The following RAB28 variants were observed in gnomAD, a reference collection of about 807,000 sequenced individuals.
RAB28 encodes RAB28, member RAS oncogene family, also known as ras-related protein Rab-28.
In RAB28, 24 loss-of-function variants were observed where a neutral mutation model predicts 31.7. The observed-to-expected ratio is 0.76, with a 90% CI of 0.55 to 1.06. The LOEUF is 1.06. Ranked by LOEUF, RAB28 falls within the 50% of genes least tolerant of loss-of-function variation. The pLI, the probability that RAB28 is intolerant of heterozygous loss-of-function variation, is 0.00. For synonymous variants in RAB28, 100 were observed against 90.4 expected (o/e 1.11, Z -0.60); for missense variants, 254 against 258.5 (o/e 0.98, Z 0.12).
intron 4 of RAB28, among the ~76,000 whole-genome samples, chr4:13,419,936 C>T (rs964171385): frequency 2.6e-5 from 4 of 151,356 alleles, no homozygotes; most frequent in African/African-American, 9.7e-5. Context: ...ACACAAAAAA[C>T]CCTTCAAAAA....
chr4:13,386,248 A>C (rs1729361560), intron 4 of RAB28, among the ~76,000 whole-genome samples: 1 of 152,134 alleles, frequency 6.6e-6, no homozygotes, highest in African/African-American at 2.4e-5. Context: ...CAAAAACAAA[A>C]ATTTACAAAT....
At chr4:13,375,835 C>T (rs377196999) in intron 6 of RAB28, among the ~76,000 whole-genome samples, 2 of 151,640 alleles carry the variant, frequency 1.3e-5, no homozygotes, top group East Asian at 1.9e-4. Context: ...ACAGAACTAA[C>T]TCTAAAAGAA....
At chr4:13,452,198 T>C (rs1715006659) in intron 4 of RAB28, among the ~76,000 whole-genome samples, 1 of 151,948 alleles carries the variant, frequency 6.6e-6, no homozygotes, top group African/African-American at 2.4e-5. Flanking sequence ...ATCTAATGGT[T>C]TGTTGATTAT....
At position 13,479,503 on chromosome 4, in the gene RAB28, A is replaced by G; in HGVS notation, c.99T>C (p.Ala33=). Reference sequence around the variant, plus strand: ...TGTACTGTTTCCCAAAAGTTTCTTGAGCAAAACACGTAGTTAAGGAGGTCT... The same window carrying G: ...TGTACTGTTTCCCAAAAGTTTCTTGGGCAAAACACGTAGTTAAGGAGGTCT... The part of the protein sequence containing the change: ...SGKTSLTTCF[A]QETFGKQYKQ... The change falls in exon 2 of 7, where the codon GCT becomes GCC. Residue 33 remains alanine, a synonymous_variant. Transcript: ENST00000330852. 6.2e-7 allele frequency: 1 copy of G among 1,607,334 alleles called. No individual in the cohort carries two copies. Among genetic ancestry groups the G allele is most frequent in the Non-Finnish European group, 8.5e-7 (1 of 1,175,316 alleles).
At chr4:13,434,390 T>C (rs527247464) in intron 4 of RAB28, among the ~76,000 whole-genome samples, 1 of 152,300 alleles carries the variant, frequency 6.6e-6, no homozygotes, top group African/African-American at 2.4e-5. Context: ...CCATGCTAAA[T>C]TCATATGCAC....
At chr4:13,398,877 A>G (rs1433705958) in intron 4 of RAB28, among the ~76,000 whole-genome samples, 1 of 152,188 alleles carries the variant, frequency 6.6e-6, no homozygotes. Context: ...CATATATTAT[A>G]ATTAGCCCTA....
intron 4 of RAB28, among the ~76,000 whole-genome samples, chr4:13,389,113 T>G (rs1221881314): frequency 1.3e-5 from 2 of 152,146 alleles, no homozygotes; most frequent in Non-Finnish European, 2.9e-5. Flanking sequence ...TACAATGGAA[T>G]ATTATTCAGC....
rs192842302 is a variant in RAB28 at position 13,483,999 on chromosome 4, G to A, written c.75+77C>T. 28 of 1,385,926 alleles carry A rather than the reference G, an allele frequency of 2.0e-5. No homozygotes were observed. In the Admixed American group the frequency reaches 3.8e-4, roughly 19 times the overall value. 85.9% of individuals were successfully genotyped at this position (1,385,926 alleles called of 1,614,324 possible). On this transcript the variant is annotated intron_variant, in intron 1 of 6. Transcript: ENST00000330852. ...CGAGGGCTCGGGGTAACGAGGCGAC[G>A]CCGGGCGGCGGGGAGGAGGCCGGGG...
chr4:13,450,648 T>C (rs1291063328), intron 4 of RAB28, among the ~76,000 whole-genome samples: 1 of 151,842 alleles, frequency 6.6e-6, no homozygotes, highest in Admixed American at 6.6e-5. Context: ...CAAGAAACAA[T>C]ATATCAGATG....
At position 13,368,631 on chromosome 4, in the gene RAB28, A is replaced by T; in HGVS notation, c.593T>A (p.Ile198Asn). 1 of 1,612,078 alleles carries T rather than the reference A, an allele frequency of 6.2e-7. No individual in the cohort carries two copies. The highest frequency in any genetic ancestry group is 8.5e-7 in the Non-Finnish European group (1 of 1,178,800). Residue 198 changes from isoleucine to asparagine, a missense_variant, in exon 7 of 7, where the codon ATT becomes AAT. Ile to Asn is a moderately radical substitution (Grantham distance 149). Coordinates refer to ENST00000330852, the MANE Select transcript of RAB28 (RefSeq NM_001017979.3). ...CATAGGTTCCTGGTTGTAGTTTACA[A>T]TATCTGCCTTCACCACCCTCTGTCA... ...EQSQRVVKAD[I>N]VNYNQEPMSR... is the part of the protein sequence containing the mutation.
At chr4:13,434,975 C>G (rs527293239) in intron 4 of RAB28, among the ~76,000 whole-genome samples, 2 of 144,626 alleles carry the variant, frequency 1.4e-5, no homozygotes, top group South Asian at 4.4e-4. Flanking sequence ...GCCGAGATCA[C>G]GCCACTGTAC....
chr4:13,470,331 T>C (rs1306440406), intron 3 of RAB28, among the ~76,000 whole-genome samples: 1 of 152,068 alleles, frequency 6.6e-6, no homozygotes, highest in Admixed American at 6.6e-5. Context: ...ACATAATCAG[T>C]TATAAGTTGG....
intron 6 of RAB28, among the ~76,000 whole-genome samples, chr4:13,369,088 T>C (rs1345896034): frequency 6.6e-6 from 1 of 152,182 alleles, no homozygotes; most frequent in South Asian, 2.1e-4. Context: ...TTTCATTGAA[T>C]GTTTACAGCA....
intron 4 of RAB28, among the ~76,000 whole-genome samples, chr4:13,393,345 C>T (rs1410689649): frequency 6.6e-6 from 1 of 152,296 alleles, no homozygotes; most frequent in African/African-American, 2.4e-5. Context: ...CTGAAAGAAC[C>T]TGGCTTCCAA....
At chr4:13,407,997 C>T (rs111786494) in intron 4 of RAB28, among the ~76,000 whole-genome samples, 5 of 152,016 alleles carry the variant, frequency 3.3e-5, no homozygotes, top group Non-Finnish European at 1.5e-5. Flanking sequence ...ATTTGAATAC[C>T]CTTTATTTCT....
chr4:13,378,541 G>A (rs1316792672), intron 5 of RAB28, among the ~76,000 whole-genome samples: 1 of 152,132 alleles, frequency 6.6e-6, no homozygotes, highest in Non-Finnish European at 1.5e-5. Context: ...GTGGCATCAA[G>A]AGTTTTCTTG....
intron 1 of RAB28, among the ~76,000 whole-genome samples, chr4:13,482,739 G>T (rs1716668421): frequency 6.6e-6 from 1 of 152,096 alleles, no homozygotes; most frequent in African/African-American, 2.4e-5. Context: ...GTTTTCCTCA[G>T]CTTTAAAAAT....
intron 4 of RAB28, among the ~76,000 whole-genome samples, chr4:13,420,166 A>C (rs1268813519): frequency 1.3e-5 from 2 of 152,228 alleles, no homozygotes; most frequent in Non-Finnish European, 2.9e-5. Flanking sequence ...CAAGAAATGG[A>C]TACATTCCCG....
chr4:13,409,362 T>G (rs2108907856), intron 4 of RAB28, among the ~76,000 whole-genome samples: 1 of 152,344 alleles, frequency 6.6e-6, no homozygotes, highest in East Asian at 1.9e-4. Flanking sequence ...ATACATTATA[T>G]GTCTATAGCA....
Sources: gnomAD v4.1 joint callset for allele counts (sites outside exome capture counted in the v4.1 genomes callset) on GRCh38, gnomAD v4.1.1 for gene constraint, MANE v1.5 for transcripts, NCBI Gene and HGNC (gene_info 2026-07-23, HGNC 2026-07-21) for gene names.